Variants in TLN2 observed in about 807,000 individuals in gnomAD.
TLN2 encodes talin 2, also known as talin-2.
TLN2 carries 118 observed loss-of-function variants against 294.7 expected under a neutral mutation model. The observed-to-expected ratio is 0.40, with a 90% CI of 0.34 to 0.47. TLN2 has a LOEUF of 0.47. TLN2 is among the 20% of genes least tolerant of loss of function. The probability of loss-of-function intolerance (pLI) is 0.84; values close to 1 mark genes in which losing one functional copy is unlikely to be tolerated. For missense variants in TLN2, 3,083 were observed against 3,282.2 expected (o/e 0.94, Z 1.48); for synonymous variants, 1,431 against 1,304.5 (o/e 1.10, Z -2.09).
chr15:62,475,605 C>G (rs538768856), intron 1 of TLN2, among the ~76,000 whole-genome samples: 1 of 152,164 alleles, frequency 6.6e-6, no homozygotes, highest in Non-Finnish European at 1.5e-5. Context: ...TCTTCTTGTT[C>G]TTATTCTTTA....
intron 51 of TLN2, among the ~76,000 whole-genome samples, chr15:62,806,377 G>A (rs910972149): frequency 4.6e-5 from 7 of 152,266 alleles, no homozygotes; most frequent in Non-Finnish European, 8.8e-5. Flanking sequence ...AGGCCTCTCC[G>A]AGGGTGGTGG....
intron 3 of TLN2, among the ~76,000 whole-genome samples, chr15:62,632,421 C>A (rs2049988329): frequency 6.6e-6 from 1 of 152,176 alleles, no homozygotes; most frequent in Admixed American, 6.5e-5. Context: ...CTTTAGTGAT[C>A]AGAGTGACCT....
intron 3 of TLN2, among the ~76,000 whole-genome samples, chr15:62,642,961 C>T (rs978063310): frequency 6.6e-6 from 1 of 152,172 alleles, no homozygotes. Context: ...CTCGGCCTCC[C>T]AAAGTGCTGG....
chr15:62,441,384 A>G (rs142102324), intron 1 of TLN2, among the ~76,000 whole-genome samples: 150 of 152,300 alleles, frequency 9.8e-4, no homozygotes, highest in Non-Finnish European at 1.6e-3. Flanking sequence ...GCCACATGCA[A>G]CCATGCCTGG....
At chr15:62,686,836 C>G (rs768724291) in intron 12 of TLN2, 40 bp downstream of exon 12, 7 of 1,607,162 alleles carry the variant, frequency 4.4e-6, no homozygotes, top group African/African-American at 1.3e-5. Context: ...CTAGCGTGGC[C>G]TTGAGTGATA....
chr15:62,450,959 T>C (rs1555409248), intron 1 of TLN2, among the ~76,000 whole-genome samples: 1 of 151,178 alleles, frequency 6.6e-6, no homozygotes, highest in Non-Finnish European at 1.5e-5. Flanking sequence ...CCTTTACAGT[T>C]GCCTGGAGTT....
At position 62,527,815 on chromosome 15, in the gene TLN2, A is replaced by G. The variant is rs1192971244; in HGVS notation, c.-237-61872A>G. On this transcript the variant is annotated intron_variant, in intron 1 of 58. Coordinates refer to ENST00000636159, the MANE Select transcript of TLN2 (RefSeq NM_015059.3). Reference sequence around the variant, plus strand: ...GTGATGATAAAAGTACAAGATGACCATTACTGAAAGTACTATAAAAGTGGA... The same window carrying G: ...GTGATGATAAAAGTACAAGATGACCGTTACTGAAAGTACTATAAAAGTGGA... 2.0e-5 allele frequency among the ~76,000 whole-genome samples: 3 copies of G among 152,220 alleles called. No homozygotes were observed. In the South Asian group the frequency reaches 6.2e-4, roughly 31 times the overall value.
At chr15:62,616,073 G>A (rs1200331527) in intron 2 of TLN2, among the ~76,000 whole-genome samples, 1 of 151,980 alleles carries the variant, frequency 6.6e-6, no homozygotes, top group Non-Finnish European at 1.5e-5. Flanking sequence ...GCTCTAAATG[G>A]TGTCTCTTTG....
At position 62,524,224 on chromosome 15, in the gene TLN2, A is replaced by G. The variant is rs1738410893; in HGVS notation, c.-237-65463A>G. The stretch of plus-strand genomic sequence containing the variant: ...TAACATAGCCTTTTCAATGCTGGGA[A>G]ATAAAACTGTCTTACTGTTCATGTT... On this transcript the variant is annotated intron_variant, in intron 1 of 58. Coordinates refer to ENST00000636159, the MANE Select transcript of TLN2 (RefSeq NM_015059.3). Among the ~76,000 whole-genome samples the G allele has an allele frequency of 2.0e-5, 3 of 152,330 alleles. 1 individual carries two copies. The South Asian group carries it at 6.2e-4, about 32-fold the overall frequency.
intron 3 of TLN2, chr15:62,638,309 G>A (rs1437586907): frequency 1.7e-5 from 6 of 349,568 alleles, no homozygotes; most frequent in East Asian, 7.5e-5. Context: ...TCAGTTGCCC[G>A]GAGGGTTCTG....
rs871700 is a variant in TLN2 at position 62,716,290 on chromosome 15, T to C, written c.2635-41T>C. On this transcript the variant is annotated intron_variant, in intron 22 of 58. Coordinates refer to ENST00000636159, the MANE Select transcript of TLN2 (RefSeq NM_015059.3). ...CTGAAGGCATGAATTCAGTGATGTC[T>C]CCTGCTGGACCACTTGAAATCTTTA... 10,345 of 1,524,176 alleles carry C rather than the reference T, an allele frequency of 6.8e-3. 523 individuals are homozygous for C. The African/African-American group carries it at 0.12, about 17-fold the overall frequency. The allele number at this position is 1,524,176 out of a possible 1,614,324, so 94.4% of individuals were successfully genotyped here. A position where few individuals can be genotyped will look rare whatever the true frequency, so the allele number is the denominator to read the frequency against.
At chr15:62,600,113 C>G (rs2046864579) in intron 2 of TLN2, among the ~76,000 whole-genome samples, 1 of 152,108 alleles carries the variant, frequency 6.6e-6, no homozygotes, top group African/African-American at 2.4e-5. Context: ...TGAGTTTTTG[C>G]TGCTTGTAGT....
rs1241671836 is a variant in TLN2, at chr15:62,652,150, C to T, written c.364+16C>T. The T allele has an allele frequency of 6.6e-7, 1 of 1,514,096 alleles. No homozygotes were observed. The highest frequency in any genetic ancestry group is 1.4e-5 in the African/African-American group (1 of 72,058). 93.8% of individuals were successfully genotyped at this position (1,514,096 alleles called of 1,614,324 possible). On this transcript the variant is annotated intron_variant, in intron 6 of 58. Transcript: ENST00000636159. The stretch of plus-strand genomic sequence containing the variant: ...AGCAGAATAGGTGAGCATTCATACA[C>T]CTTCATTATGTCTTTTTGCTTAGTT...
At chr15:62,528,670 CTTTT>C in intron 1 of TLN2, among the ~76,000 whole-genome samples, 1 of 96,782 alleles carries the variant, frequency 1.0e-5, no homozygotes, top group South Asian at 3.6e-4. Context: ...CCAGAGCTTG[CTTTT>C]TTTTTTTTTT....
chr15:62,719,642 G>C (rs1232443132), intron 24 of TLN2, 125 bp from the exon 25 acceptor site: 4 of 666,168 alleles, frequency 6.0e-6, no homozygotes, highest in Non-Finnish European at 9.7e-6. Context: ...TCTATCCAAG[G>C]TCTGGGGCTG....
rs200076050 is a variant in TLN2 at position 62,428,074 on chromosome 15, A to AC, written c.-238+37396dup. Among the ~76,000 whole-genome samples the AC allele has an allele frequency of 7.9e-5, 12 of 151,530 alleles. No individual in the cohort carries two copies. The South Asian group carries it at 8.4e-4, about 11-fold the overall frequency. On this transcript the variant is annotated intron_variant, in intron 1 of 58. Transcript: ENST00000636159. ...CTTGAACATTCATCATTGTGCCACCACCCCCCCTCCACAATTCTGGTCTTG... is the reference window on the plus strand; with the variant it reads ...CTTGAACATTCATCATTGTGCCACCACCCCCCCCTCCACAATTCTGGTCTTG...
intron 1 of TLN2, among the ~76,000 whole-genome samples, chr15:62,501,956 T>A (rs933980644): frequency 7.2e-5 from 11 of 152,198 alleles, no homozygotes; most frequent in African/African-American, 2.7e-4. Flanking sequence ...TAAGATATAG[T>A]TTGGGCACCT....
At chr15:62,627,415 A>C (rs1430279420) in intron 3 of TLN2, among the ~76,000 whole-genome samples, 1 of 152,214 alleles carries the variant, frequency 6.6e-6, no homozygotes, top group African/African-American at 2.4e-5. Context: ...GGGCTAGCCA[A>C]AGAGGGAATT....
At chr15:62,721,105 T>C (rs2060120933) in intron 25 of TLN2, among the ~76,000 whole-genome samples, 1 of 152,212 alleles carries the variant, frequency 6.6e-6, no homozygotes, top group Non-Finnish European at 1.5e-5. Context: ...TTTTCCCTTT[T>C]TCTTTTGTTC....
Sources: allele counts gnomAD v4.1 joint callset (sites outside exome capture counted in the v4.1 genomes callset), GRCh38; gene constraint gnomAD v4.1.1; transcripts MANE v1.5; gene names NCBI Gene and HGNC (gene_info 2026-07-23, HGNC 2026-07-21).